Variants in CNTLN observed in about 807,000 individuals in gnomAD.
CNTLN encodes centlein.
CNTLN carries 212 observed loss-of-function variants against 180.0 expected under a neutral mutation model. The ratio of observed to expected loss-of-function variants is 1.18; its 90% CI spans 1.05 to 1.32. The LOEUF (loss-of-function observed/expected upper bound fraction) is 1.32, where lower values mean the gene tolerates loss of function less well. CNTLN is among the 40% of genes most tolerant of loss of function. CNTLN has a pLI of 0.00. For missense variants in CNTLN, 2,095 were observed against 1,610.9 expected (o/e 1.30, Z -5.14); for synonymous variants, 722 against 563.1 (o/e 1.28, Z -3.99).
chr9:17,200,864 C>G (rs1159247856), intron 2 of CNTLN, among the ~76,000 whole-genome samples: 1 of 152,172 alleles, frequency 6.6e-6, no homozygotes, highest in African/African-American at 2.4e-5. Context: ...TCTTCCAATA[C>G]TATGATAAAT....
chr9:17,467,696 C>T (rs1452645632), intron 23 of CNTLN, among the ~76,000 whole-genome samples: 1 of 151,720 alleles, frequency 6.6e-6, no homozygotes, highest in East Asian at 1.9e-4. Flanking sequence ...TTTCCAGATT[C>T]AAAACACTAT....
intron 25 of CNTLN, among the ~76,000 whole-genome samples, chr9:17,487,575 A>G (rs1832954673): frequency 6.6e-6 from 1 of 152,100 alleles, no homozygotes; most frequent in Non-Finnish European, 1.5e-5. Context: ...GTGGGAAGTA[A>G]ATATTGATTT....
chr9:17,410,640 T>C (rs1221024750), intron 16 of CNTLN, among the ~76,000 whole-genome samples: 3 of 152,150 alleles, frequency 2.0e-5, no homozygotes, highest in Non-Finnish European at 2.9e-5. Context: ...TATGCTACCT[T>C]CCATGTTGTC....
chr9:17,323,496 CA>C (rs1224263499), intron 8 of CNTLN, among the ~76,000 whole-genome samples: 1 of 152,186 alleles, frequency 6.6e-6, no homozygotes, highest in Admixed American at 6.5e-5. Flanking sequence ...GTTCTTGCTG[CA>C]TCTTACTATG....
At chr9:17,517,293 G>T in the CNTLN span, among the ~76,000 whole-genome samples, 1 of 151,928 alleles carries the variant, frequency 6.6e-6, no homozygotes, top group South Asian at 2.1e-4. Context: ...TGGTGAGGCT[G>T]AGGCAGGAGA....
At chr9:17,525,440 G>T in the CNTLN span, among the ~76,000 whole-genome samples, 3 of 152,208 alleles carry the variant, frequency 2.0e-5, no homozygotes, top group South Asian at 2.1e-4. Context: ...GGGAATATTG[G>T]CATGATTCAG....
chr9:17,178,186 C>A (rs188859805), intron 2 of CNTLN, among the ~76,000 whole-genome samples: 1 of 144,190 alleles, frequency 6.9e-6, no homozygotes, highest in Non-Finnish European at 1.5e-5. Flanking sequence ...TACGGAGTGT[C>A]GATTGGTGCA....
intron 15 of CNTLN, among the ~76,000 whole-genome samples, chr9:17,401,888 A>G (rs1057412023): frequency 6.8e-6 from 1 of 147,838 alleles, no homozygotes; most frequent in Non-Finnish European, 1.5e-5. Context: ...AACCAGAAAA[A>G]GGTATTTACA....
chr9:17,230,975 C>T (rs1434319951), intron 3 of CNTLN, among the ~76,000 whole-genome samples: 1 of 151,960 alleles, frequency 6.6e-6, no homozygotes, highest in Non-Finnish European at 1.5e-5. Flanking sequence ...GTTTTTTCTC[C>T]TGGGCATCTG....
chr9:17,373,852 A>G (rs910034062), intron 13 of CNTLN, among the ~76,000 whole-genome samples: 3 of 152,182 alleles, frequency 2.0e-5, no homozygotes, highest in African/African-American at 7.2e-5. Flanking sequence ...CGTTGCCAAG[A>G]CATACATTGG....
At chr9:17,221,272 G>C (rs1004431362) in intron 2 of CNTLN, among the ~76,000 whole-genome samples, 10 of 151,976 alleles carry the variant, frequency 6.6e-5, no homozygotes, top group African/African-American at 2.2e-4. Context: ...ACATAAAATA[G>C]TTGTATAAAT....
At chr9:17,376,411 A>G (rs1215449465) in intron 13 of CNTLN, among the ~76,000 whole-genome samples, 1 of 151,974 alleles carries the variant, frequency 6.6e-6, no homozygotes, top group Non-Finnish European at 1.5e-5. Context: ...TAATATTATC[A>G]TATAACCATC....
At chr9:17,236,344 A>T in intron 4 of CNTLN, 65 bp from the exon 5 acceptor site, 1 of 1,358,320 alleles carries the variant, frequency 7.4e-7, no homozygotes, top group Non-Finnish European at 9.8e-7. Flanking sequence ...ATTAGTGCTC[A>T]CCATTTTTTG....
At chr9:17,439,084 A>G (rs1340148174) in intron 18 of CNTLN, among the ~76,000 whole-genome samples, 1 of 152,184 alleles carries the variant, frequency 6.6e-6, no homozygotes, top group Non-Finnish European at 1.5e-5. Context: ...ATATAATTAA[A>G]TATGCATACA....
At chr9:17,163,851 A>T (rs1232487138) in intron 2 of CNTLN, among the ~76,000 whole-genome samples, 3 of 151,246 alleles carry the variant, frequency 2.0e-5, no homozygotes, top group Non-Finnish European at 4.4e-5. Flanking sequence ...AACACAGTGA[A>T]ACCCTGTCTC....
intron 2 of CNTLN, among the ~76,000 whole-genome samples, chr9:17,214,118 G>A (rs2131992063): frequency 6.6e-6 from 1 of 152,202 alleles, no homozygotes; most frequent in South Asian, 2.1e-4. Context: ...TGGTTATTTT[G>A]CTTATTAGTT....
chr9:17,265,196 T>C (rs539219540), intron 5 of CNTLN, among the ~76,000 whole-genome samples: 36 of 150,634 alleles, frequency 2.4e-4, no homozygotes, highest in African/African-American at 8.3e-4. Flanking sequence ...ATAGCTCTTA[T>C]TATTTTGAAA....
chr9:17,233,799 A>C lies in CNTLN; in HGVS notation c.535-1859A>C, dbSNP rs1043353030. On this transcript the variant is annotated intron_variant, in intron 3 of 25. Transcript: ENST00000380647. ...AAATAGCAAGCTATGTAATATGTGT[A>C]ATATGATTTAAGTTCAGAAGTAAGC... 2.1e-4 allele frequency among the ~76,000 whole-genome samples: 32 copies of C among 152,186 alleles called. 1 individual carries two copies. The highest frequency in any genetic ancestry group is 1.5e-3 in the Admixed American group (23 of 15,272).
chr9:17,271,582 C>T (rs1205335161), intron 5 of CNTLN, among the ~76,000 whole-genome samples: 1 of 152,252 alleles, frequency 6.6e-6, no homozygotes, highest in East Asian at 1.9e-4. Flanking sequence ...CAGAAGCTGA[C>T]ATTTGGATTT....
Sources: allele counts gnomAD v4.1 joint callset (sites outside exome capture counted in the v4.1 genomes callset), GRCh38; gene constraint gnomAD v4.1.1; transcripts MANE v1.5; gene names NCBI Gene and HGNC (gene_info 2026-07-23, HGNC 2026-07-21).